Variants in GRID1 observed in about 807,000 individuals in gnomAD.
GRID1 encodes glutamate receptor ionotropic, delta-1.
A neutral mutation model predicts 98.0 loss-of-function variants in GRID1; 28 were observed. The observed-to-expected ratio is 0.29, with a 90% confidence interval of 0.21 to 0.39. GRID1 has a LOEUF of 0.39. Ranked by LOEUF, GRID1 falls within the 10% of genes least tolerant of loss-of-function variation. The pLI is 1.00. For synonymous variants in GRID1, 553 were observed against 538.5 expected (o/e 1.03, Z -0.37); for missense variants, 1,111 against 1,340.5 (o/e 0.83, Z 2.67).
At chr10:85,994,981 T>C (rs1484524782) in intron 4 of GRID1, among the ~76,000 whole-genome samples, 1 of 152,244 alleles carries the variant, frequency 6.6e-6, no homozygotes, top group Non-Finnish European at 1.5e-5. Flanking sequence ...TCATAGACAC[T>C]GTTTGCCTTC....
At chr10:86,257,413 C>T (rs550032628) in intron 2 of GRID1, among the ~76,000 whole-genome samples, 1 of 152,238 alleles carries the variant, frequency 6.6e-6, no homozygotes, top group East Asian at 1.9e-4. Context: ...GACCAATGGG[C>T]CATAATGAGC....
In GRID1 at chr10:86,206,947, T is replaced by C. The variant is rs1317181703; in HGVS notation, c.236-299A>G. Among the ~76,000 whole-genome samples, 1 of 152,176 alleles carries C rather than the reference T, an allele frequency of 6.6e-6. No homozygotes were observed. The highest frequency in any genetic ancestry group is 1.5e-5 in the Non-Finnish European group (1 of 68,032). ...TCAGGGAAGGATGGTAGAGCACAGA[T>C]CCATCCCAAATCTGCCTGATTCACC... is the stretch of plus-strand genomic sequence containing the variant. On this transcript the variant is annotated intron_variant, in intron 2 of 15. Coordinates refer to ENST00000327946, the MANE Select transcript of GRID1 (RefSeq NM_017551.3). This position sits in a 1 kb window ranked among gnomAD's most constrained non-coding sequence, Gnocchi z 4.1.
chr10:85,821,516 CAAAAAAAAAAAA>C (rs1157209045), intron 8 of GRID1, among the ~76,000 whole-genome samples: 3 of 9,102 alleles, frequency 3.3e-4, no homozygotes, highest in South Asian at 6.2e-3. Context: ...GACTTCATCT[CAAAAAAAAAAAA>C]AAAAAAAAAA....
chr10:85,685,076 G>T (rs1241608006), intron 12 of GRID1, among the ~76,000 whole-genome samples: 2 of 152,110 alleles, frequency 1.3e-5, no homozygotes, highest in African/African-American at 4.8e-5. Context: ...ATTCAACATT[G>T]TACTGGAGGT....
At chr10:86,028,729 G>A (rs1382304587) in intron 4 of GRID1, among the ~76,000 whole-genome samples, 1 of 151,946 alleles carries the variant, frequency 6.6e-6, no homozygotes, top group Non-Finnish European at 1.5e-5. Flanking sequence ...AAAGCCACCT[G>A]GTAGGAGGGA....
chr10:86,038,242 C>T (rs2131897253), intron 4 of GRID1, among the ~76,000 whole-genome samples: 1 of 152,286 alleles, frequency 6.6e-6, no homozygotes, highest in Admixed American at 6.5e-5. Flanking sequence ...GATACTCCCA[C>T]CGTGGCCAGT....
intron 4 of GRID1, among the ~76,000 whole-genome samples, chr10:85,957,913 G>A (rs948868359): frequency 6.6e-6 from 1 of 152,206 alleles, no homozygotes; most frequent in Non-Finnish European, 1.5e-5. Flanking sequence ...CACCTATCAA[G>A]GTGAGACAAG....
chr10:85,857,128 C>T (rs1316284187), intron 6 of GRID1, among the ~76,000 whole-genome samples: 2 of 152,190 alleles, frequency 1.3e-5, no homozygotes, highest in African/African-American at 4.8e-5. Context: ...ATTCTGGTGC[C>T]TGCTCTGCAG....
At chr10:86,084,947 C>A (rs962177075) in intron 4 of GRID1, among the ~76,000 whole-genome samples, 2 of 152,072 alleles carry the variant, frequency 1.3e-5, no homozygotes, top group Admixed American at 6.5e-5. Context: ...GTTCTGGAAA[C>A]GGATGGTGGT....
chr10:86,129,465 A>C (rs1389161610), intron 4 of GRID1, among the ~76,000 whole-genome samples: 2 of 152,152 alleles, frequency 1.3e-5, no homozygotes, highest in African/African-American at 4.8e-5. Context: ...AGCAAACCCC[A>C]AAATCCCCAC....
intron 8 of GRID1, among the ~76,000 whole-genome samples, chr10:85,829,284 G>T (rs1842846795): frequency 6.6e-6 from 1 of 151,830 alleles, no homozygotes; most frequent in African/African-American, 2.4e-5. Flanking sequence ...CAACAAACTA[G>T]GCATTAAAAT....
chr10:86,008,212 G>C (rs959263526), intron 4 of GRID1, among the ~76,000 whole-genome samples: 2 of 152,086 alleles, frequency 1.3e-5, no homozygotes, highest in African/African-American at 4.8e-5. Context: ...CAGGGCCTTA[G>C]GAAAGAAGGC....
intron 2 of GRID1, among the ~76,000 whole-genome samples, chr10:86,244,148 T>C (rs368021591): frequency 1.3e-5 from 2 of 152,142 alleles, no homozygotes; most frequent in African/African-American, 4.8e-5. Flanking sequence ...GCCAGGGAAT[T>C]TTTTTTTAAC....
intron 2 of GRID1, among the ~76,000 whole-genome samples, chr10:86,276,035 G>A (rs751263850): frequency 1.3e-5 from 2 of 152,158 alleles, no homozygotes; most frequent in African/African-American, 2.4e-5. Context: ...AAAGAAAGAA[G>A]GAACTTGTCA....
At position 86,168,862 on chromosome 10, in the gene GRID1, A is replaced by G. The variant is rs147689571; in HGVS notation, c.521-29838T>C. Among the ~76,000 whole-genome samples the G allele has an allele frequency of 3.3e-3, 500 of 152,332 alleles. 4 individuals carry two copies. The highest frequency in any genetic ancestry group is 0.011 in the African/African-American group (469 of 41,560). On this transcript the variant is annotated intron_variant, in intron 3 of 15. Coordinates refer to ENST00000327946, the MANE Select transcript of GRID1 (RefSeq NM_017551.3). ...GCATCCCAGGCAAGGGGCACAGGTG[A>G]CAGCACCATTCAGGGAGACTCCCTG...
chr10:85,868,959 T>G, intron 6 of GRID1, 51 bp downstream of exon 6: 1 of 1,527,038 alleles, frequency 6.5e-7, no homozygotes, highest in South Asian at 1.1e-5. Flanking sequence ...GCCAAGGGTG[T>G]GGGTGAGACT....
chr10:85,857,328 G>A (rs1177321379), intron 6 of GRID1, among the ~76,000 whole-genome samples: 1 of 152,148 alleles, frequency 6.6e-6, no homozygotes, highest in African/African-American at 2.4e-5. Context: ...TACAGCATTG[G>A]GGCCCAACCC....
intron 4 of GRID1, among the ~76,000 whole-genome samples, chr10:86,118,783 A>C (rs1347127375): frequency 6.6e-6 from 1 of 152,194 alleles, no homozygotes; most frequent in Non-Finnish European, 1.5e-5. Context: ...GAATGGCACT[A>C]CCTCCATGGT....
chr10:85,825,699 A>T (rs1842813131), intron 8 of GRID1, among the ~76,000 whole-genome samples: 1 of 152,218 alleles, frequency 6.6e-6, no homozygotes, highest in African/African-American at 2.4e-5. Flanking sequence ...GGGCAAAAGA[A>T]CTAATTTTTT....
Sources: gnomAD v4.1 joint callset for allele counts (sites outside exome capture counted in the v4.1 genomes callset) on GRCh38, gnomAD v4.1.1 for gene constraint, Gnocchi (gnomAD v3.1) non-coding constraint, MANE v1.5 for transcripts, NCBI Gene and HGNC (gene_info 2026-07-23, HGNC 2026-07-21) for gene names.